LRP1B: variants seen among roughly 807,000 people sequenced by gnomAD.
LRP1B encodes the protein LDL receptor related protein 1B.
In LRP1B, 217 loss-of-function variants were observed where a neutral mutation model predicts 556.6. The ratio of observed to expected loss-of-function variants is 0.39; its 90% CI spans 0.35 to 0.44. The LOEUF is 0.44. Ranked by LOEUF, LRP1B falls within the 20% of genes least tolerant of loss-of-function variation. The pLI is 1.00. For missense variants in LRP1B, 5,053 were observed against 5,620.8 expected (o/e 0.90, Z 3.23); for synonymous variants, 2,047 against 1,865.8 (o/e 1.10, Z -2.50).
intron 43 of LRP1B, among the ~76,000 whole-genome samples, chr2:140,587,350 T>C (rs1682027604): frequency 6.6e-6 from 1 of 152,130 alleles, no homozygotes; most frequent in Admixed American, 6.6e-5. Flanking sequence ...ACCTACAGAT[T>C]CGAGAAGCAG....
At chr2:140,644,804 C>T (rs967429698) in intron 41 of LRP1B, among the ~76,000 whole-genome samples, 4 of 152,056 alleles carry the variant, frequency 2.6e-5, no homozygotes, top group Admixed American at 6.6e-5. Flanking sequence ...GAAATGGGTG[C>T]GTGAGTATTT....
intron 7 of LRP1B, among the ~76,000 whole-genome samples, chr2:141,187,344 G>C (rs932485901): frequency 1.3e-5 from 2 of 152,082 alleles, no homozygotes; most frequent in African/African-American, 4.8e-5. Context: ...TAAGTAAAGA[G>C]TGACGAAAGT....
At chr2:140,519,411 T>A (rs901388247) in intron 49 of LRP1B, among the ~76,000 whole-genome samples, 4 of 152,246 alleles carry the variant, frequency 2.6e-5, no homozygotes, top group African/African-American at 9.6e-5. Context: ...TAGCCATATG[T>A]GGAAAGCTGA....
chr2:141,356,174 T>A (rs544719468), intron 3 of LRP1B, among the ~76,000 whole-genome samples: 1 of 152,332 alleles, frequency 6.6e-6, no homozygotes, highest in African/African-American at 2.4e-5. Context: ...CAAAGAGAGA[T>A]ACTTCTATTT....
rs762511658 is a variant in LRP1B at position 141,008,722 on chromosome 2, C to T, written c.2381-3265G>A. 2.0e-5 allele frequency among the ~76,000 whole-genome samples: 3 copies of T among 151,774 alleles called. No homozygotes were observed. The East Asian group carries it at 5.8e-4, about 29-fold the overall frequency. On this transcript the variant is annotated intron_variant, in intron 14 of 90. Transcript: ENST00000389484. ...AAGCAAAATTATATTCTACACCTTG[C>T]AAATAGTGCCCAGCATAGAGTGTGT...
At chr2:141,331,593 A>G (rs921360847) in intron 3 of LRP1B, among the ~76,000 whole-genome samples, 1 of 134,424 alleles carries the variant, frequency 7.4e-6, no homozygotes, top group Non-Finnish European at 1.5e-5. Flanking sequence ...TTATAAAGAG[A>G]CTGCAAAAAA....
chr2:141,134,933 A>G (rs553230043), intron 7 of LRP1B, among the ~76,000 whole-genome samples: 96 of 151,930 alleles, frequency 6.3e-4, no homozygotes, highest in Admixed American at 1.6e-3. Flanking sequence ...ATATATATAT[A>G]TATTTGCCCC....
At chr2:141,683,786 G>C (rs1011188194) in intron 2 of LRP1B, among the ~76,000 whole-genome samples, 1 of 152,086 alleles carries the variant, frequency 6.6e-6, no homozygotes, top group Non-Finnish European at 1.5e-5. Context: ...CTTTAGACTA[G>C]AAAGCCAAAG....
intron 5 of LRP1B, among the ~76,000 whole-genome samples, chr2:141,234,416 A>T (rs1438257700): frequency 6.6e-6 from 1 of 152,040 alleles, no homozygotes; most frequent in East Asian, 1.9e-4. Flanking sequence ...TTGCTCTGTC[A>T]TACAGGCTAG....
At chr2:141,415,992 T>C (rs1177215004) in intron 3 of LRP1B, among the ~76,000 whole-genome samples, 1 of 152,242 alleles carries the variant, frequency 6.6e-6, no homozygotes, top group Admixed American at 6.5e-5. Flanking sequence ...ATCGCCAGAC[T>C]ACTGCCCATC....
intron 3 of LRP1B, among the ~76,000 whole-genome samples, chr2:141,479,587 T>G (rs1682839794): frequency 6.6e-6 from 1 of 152,168 alleles, no homozygotes; most frequent in Non-Finnish European, 1.5e-5. Context: ...ACACTCAGTC[T>G]ATGAGAATCT....
At chr2:141,416,291 A>T (rs902880988) in intron 3 of LRP1B, among the ~76,000 whole-genome samples, 1 of 152,058 alleles carries the variant, frequency 6.6e-6, no homozygotes, top group African/African-American at 2.4e-5. Context: ...GAGGTAAGTG[A>T]CCTTGGCTAA....
chr2:140,640,749 A>G (rs1429435555), intron 41 of LRP1B, among the ~76,000 whole-genome samples: 2 of 152,058 alleles, frequency 1.3e-5, no homozygotes, highest in Non-Finnish European at 2.9e-5. Flanking sequence ...TTAATTCAAT[A>G]TATCATTCGA....
intron 2 of LRP1B, among the ~76,000 whole-genome samples, chr2:141,742,992 C>T (rs10171630): frequency 0.42 from 63,659 of 151,640 alleles, 13,606 homozygotes; most frequent in East Asian, 0.51. Flanking sequence ...ACAGTTCTAA[C>T]AGTTTTTCGG....
At chr2:140,493,950 G>A (rs1024906522) in intron 56 of LRP1B, among the ~76,000 whole-genome samples, 1 of 152,062 alleles carries the variant, frequency 6.6e-6, no homozygotes, top group Non-Finnish European at 1.5e-5. Context: ...ATTGGCTCTC[G>A]AGTTGAAGGT....
chr2:141,857,999 T>G (rs1224689163), intron 1 of LRP1B, among the ~76,000 whole-genome samples: 3 of 152,170 alleles, frequency 2.0e-5, no homozygotes, highest in Admixed American at 1.3e-4. Context: ...CTAAAGATGC[T>G]AGAATAGAAA....
chr2:141,223,113 G>C (rs546969041), intron 6 of LRP1B, among the ~76,000 whole-genome samples: 1 of 152,220 alleles, frequency 6.6e-6, no homozygotes, highest in African/African-American at 2.4e-5. Flanking sequence ...GTTTGCAGAT[G>C]ACACGATCCT....
At chr2:140,483,605 C>T (rs1573989767) in intron 59 of LRP1B, among the ~76,000 whole-genome samples, 1 of 84,834 alleles carries the variant, frequency 1.2e-5, no homozygotes, top group African/African-American at 4.7e-5. Flanking sequence ...TAGACACACA[C>T]ACACACACAC....
At chr2:140,502,831 TG>T in intron 54 of LRP1B, 131 bp downstream of exon 54, 1 of 810,794 alleles carries the variant, frequency 1.2e-6, no homozygotes, top group Non-Finnish European at 1.9e-6. Flanking sequence ...GTACCCTGCA[TG>T]GTGTCACTAG....
Sources: gnomAD v4.1 joint callset for allele counts (sites outside exome capture counted in the v4.1 genomes callset) on GRCh38, gnomAD v4.1.1 for gene constraint, MANE v1.5 for transcripts, NCBI Gene and HGNC (gene_info 2026-07-23, HGNC 2026-07-21) for gene names.